Variants in MAGED1 observed in about 807,000 individuals in gnomAD.
The protein encoded by MAGED1 is melanoma-associated antigen D1.
A neutral mutation model predicts 54.1 loss-of-function variants in MAGED1; 3 were observed. The observed-to-expected ratio is 0.06, with a 90% CI of 0.03 to 0.14. The LOEUF (loss-of-function observed/expected upper bound fraction) is 0.14. MAGED1 is among the 10% of genes least tolerant of loss of function. The pLI is 1.00. For synonymous variants in MAGED1, 217 were observed against 227.3 expected (o/e 0.95, Z 0.41); for missense variants, 485 against 623.4 (o/e 0.78, Z 2.36).
chrX:51,859,423 C>G (rs1557360448), intron 1 of MAGED1, among the ~76,000 whole-genome samples: 1 of 111,087 alleles, frequency 9.0e-6, no homozygotes, highest in Non-Finnish European at 1.9e-5. Flanking sequence ...AATAATACCT[C>G]TTCCTCAAAA....
chrX:51,894,586 G>A, intron 2 of MAGED1: 1 of 1,143,757 alleles, frequency 8.7e-7, no homozygotes, highest in African/African-American at 1.8e-5. Context: ...TCTGCCCAGA[G>A]AATGCGGGGT....
chrX:51,858,031 G>A (rs1927150060), intron 1 of MAGED1: 2 of 112,219 alleles, frequency 1.8e-5, no homozygotes, highest in African/African-American at 6.5e-5. Context: ...AGAAAATCAC[G>A]TCTTGGTAAA....
chrX:51,815,004 G>A (rs782128077), intron 1 of MAGED1, among the ~76,000 whole-genome samples: 256 of 104,943 alleles, frequency 2.4e-3, no homozygotes, highest in African/African-American at 8.5e-3. Flanking sequence ...TTAGCTGGGC[G>A]TGGTGACGCA....
rs782673507 is a variant in MAGED1 at position 51,895,526 on chromosome X, C to T, written c.519C>T (p.Ala173=). The change falls in exon 3 of 13, where the codon GCC becomes GCT. Residue 173 remains alanine, a synonymous_variant. Transcript: ENST00000326587. ...AGTCTCTCAATGCCAATGACCTGGC[C>T]AACAGCAGGCCTAAGACCCCTTTCA... ...FSQSLNANDL[A]NSRPKTPFKA... The T allele has an allele frequency of 8.3e-7, 1 of 1,210,962 alleles. No individual in the cohort carries two copies. The highest frequency in any genetic ancestry group is 1.1e-6 in the Non-Finnish European group (1 of 894,983).
intron 1 of MAGED1, among the ~76,000 whole-genome samples, chrX:51,838,347 A>T (rs1215037047): frequency 3.5e-5 from 4 of 112,754 alleles, no homozygotes; most frequent in Non-Finnish European, 7.5e-5. Flanking sequence ...CAAGCCATTC[A>T]ATAGCCATTT....
chrX:51,815,440 A>G (rs1557355966), intron 1 of MAGED1, among the ~76,000 whole-genome samples: 2 of 111,507 alleles, frequency 1.8e-5, no homozygotes, highest in African/African-American at 6.5e-5. Context: ...AGTTTTTAAG[A>G]AAAAAGTTTA....
rs1472504679 is a variant in MAGED1 at position 51,902,334 on chromosome X, A to G, written c.*197A>G. 8.1e-6 allele frequency: 1 copy of G among 124,129 alleles called. No homozygotes were observed. Among genetic ancestry groups the G allele is most frequent in the Non-Finnish European group, 1.6e-5 (1 of 61,775 alleles). The allele number at this position is 124,129 out of a possible 1,213,427, so 10.2% of individuals were successfully genotyped here. ...TGTCAAGTTTTGGTATCAGAAATAA[A>G]CATTGAAATTGCAAAGTGAATTAGA... On this transcript the variant is annotated 3_prime_UTR_variant, in exon 13 of 13. Transcript: ENST00000326587.
intron 1 of MAGED1, among the ~76,000 whole-genome samples, chrX:51,852,771 G>A (rs1277847919): frequency 8.9e-6 from 1 of 111,888 alleles, no homozygotes; most frequent in Non-Finnish European, 1.9e-5. Flanking sequence ...ATATCTTTCT[G>A]AGTTTCCTTT....
intron 1 of MAGED1, among the ~76,000 whole-genome samples, chrX:51,862,538 T>A (rs1309688717): frequency 1.8e-5 from 2 of 111,494 alleles, no homozygotes; most frequent in Non-Finnish European, 3.8e-5. Flanking sequence ...TTTTCGTATA[T>A]TTTTATCACT....
At chrX:51,897,980 A>G (rs1215942183) in intron 7 of MAGED1, 94 bp downstream of exon 7, 3 of 883,788 alleles carry the variant, frequency 3.4e-6, no homozygotes, top group African/African-American at 4.0e-5. Flanking sequence ...TCAGGGTCAC[A>G]TAGCAGGTCA....
chrX:51,851,397 C>T (rs1269122584), intron 1 of MAGED1, among the ~76,000 whole-genome samples: 1 of 111,236 alleles, frequency 9.0e-6, no homozygotes, highest in African/African-American at 3.3e-5. Context: ...GTAGTCCCCG[C>T]TTATCCTCCA....
chrX:51,872,183 G>T (rs1927705912), intron 1 of MAGED1, among the ~76,000 whole-genome samples: 1 of 111,644 alleles, frequency 9.0e-6, no homozygotes, highest in African/African-American at 3.3e-5. Flanking sequence ...TTAGCCCTTT[G>T]TCAGATGAGT....
intron 1 of MAGED1, among the ~76,000 whole-genome samples, chrX:51,849,860 T>G (rs1926820992): frequency 8.9e-6 from 1 of 111,864 alleles, no homozygotes; most frequent in African/African-American, 3.2e-5. Flanking sequence ...TTGTGAATAA[T>G]TTTTTTCCCT....
rs1167750741 is a variant in MAGED1, at chrX:51,897,879, C to T, written c.1651C>T (p.Leu551=). 1 of 1,189,932 alleles carries T rather than the reference C, an allele frequency of 8.4e-7. No homozygotes were observed. Among genetic ancestry groups the T allele is most frequent in the Non-Finnish European group, 1.1e-6 (1 of 877,442 alleles). The change falls in exon 7 of 13, where the codon CTG becomes TTG. Residue 551 remains leucine, a synonymous_variant. Coordinates refer to ENST00000326587, the MANE Select transcript of MAGED1 (RefSeq NM_006986.4). ...TACCCCCGAGTCCCTGGCTGGCATA[C>T]TGGGAACGTAAGATGGGAAAGAAGG... is the stretch of plus-strand genomic sequence containing the variant. ...ISTPESLAGI[L]GTTKDTPKLG...
chrX:51,847,406 T>G (rs1257339440), intron 1 of MAGED1, among the ~76,000 whole-genome samples: 1 of 111,751 alleles, frequency 8.9e-6, no homozygotes, highest in Non-Finnish European at 1.9e-5. Flanking sequence ...GTTTTTAGAT[T>G]TATTGAGTTC....
chrX:51,865,319 A>C (rs1319750470), intron 1 of MAGED1, among the ~76,000 whole-genome samples: 1 of 112,080 alleles, frequency 8.9e-6, no homozygotes, highest in Non-Finnish European at 1.9e-5. Context: ...ATATATCCCA[A>C]GTGCCTAGAA....
In MAGED1 at chrX:51,819,093, A is replaced by G. The variant is rs1047235865; in HGVS notation, c.-37+15976A>G. Among the ~76,000 whole-genome samples, 5 of 111,987 alleles carry G rather than the reference A, an allele frequency of 4.5e-5. No homozygotes were observed. In the Admixed American group the frequency reaches 4.7e-4, roughly 11 times the overall value. On this transcript the variant is annotated intron_variant, in intron 1 of 12. Coordinates refer to the MAGED1 transcript ENST00000375772. ...TGATTAAATGAACATGGCACATTTCAGTCATTAGACAAACATCAGGGGTGA... is the reference window on the plus strand; with the variant it reads ...TGATTAAATGAACATGGCACATTTCGGTCATTAGACAAACATCAGGGGTGA...
intron 10 of MAGED1, chrX:51,899,821 C>G (rs978401065): frequency 1.7e-5 from 3 of 171,459 alleles, no homozygotes; most frequent in Admixed American, 1.7e-4. Context: ...AGTAGACATT[C>G]CCAAGGCTGG....
rs1163447873 is a variant in MAGED1, at chrX:51,901,720, C to T, written c.2127C>T (p.Asp709=). 4 of 1,209,256 alleles carry T rather than the reference C, an allele frequency of 3.3e-6. No homozygotes were observed. The Admixed American group carries it at 6.6e-5, about 20-fold the overall frequency. Residue 709 remains aspartate, a synonymous_variant, in exon 12 of 13, where the codon GAC becomes GAT. Transcript: ENST00000326587. ...TGTCTGGGCCCTGGAGCTGGGATGA[C>T]ATTGAGTTTGAGCTGCTGACCTGGG... The part of the protein sequence containing the change: ...EAVSGPWSWD[D]IEFELLTWDE...
Sources: gnomAD v4.1 joint callset for allele counts (sites outside exome capture counted in the v4.1 genomes callset) on GRCh38, gnomAD v4.1.1 for gene constraint, MANE v1.5 for transcripts, NCBI Gene and HGNC (gene_info 2026-07-23, HGNC 2026-07-21) for gene names.